CGRRF1: variants seen among roughly 807,000 people sequenced by gnomAD.
CGRRF1 encodes cell growth regulator with ring finger domain 1.
In CGRRF1, 32 loss-of-function variants were observed where a neutral mutation model predicts 37.2. The ratio of observed to expected loss-of-function variants is 0.86; its 90% CI spans 0.65 to 1.16. The LOEUF (loss-of-function observed/expected upper bound fraction) is 1.16. Among genes scored for constraint, CGRRF1 ranks in the 50% most tolerant of loss-of-function variants. The pLI is 0.00. For synonymous variants in CGRRF1, 141 were observed against 140.3 expected (o/e 1.00, Z -0.04); for missense variants, 391 against 382.6 (o/e 1.02, Z -0.18).
intron 4 of CGRRF1, among the ~76,000 whole-genome samples, chr14:54,535,092 C>T (rs1281658736): frequency 6.6e-6 from 1 of 152,080 alleles, no homozygotes; most frequent in Non-Finnish European, 1.5e-5. Flanking sequence ...GAATAAGTTG[C>T]ATACGTGATG....
chr14:54,532,260 C>G (rs561154055), intron 4 of CGRRF1, among the ~76,000 whole-genome samples: 7 of 152,014 alleles, frequency 4.6e-5, no homozygotes, highest in Non-Finnish European at 8.8e-5. Flanking sequence ...AGTTAAGCAC[C>G]TAGGTTTTTG....
At chr14:54,524,636 T>C (rs1298840932) in intron 2 of CGRRF1, among the ~76,000 whole-genome samples, 1 of 152,090 alleles carries the variant, frequency 6.6e-6, no homozygotes, top group Non-Finnish European at 1.5e-5. Context: ...CAAGCAGTCC[T>C]TCTGCCCCAG....
chr14:54,539,102 T>TA lies in CGRRF1; in HGVS notation c.*719_*720insA, dbSNP rs1454602932. ...CAAGTGTGATTAGATTAGCAGAATG[T>TA]GATCTCCAGGGAAGATCTGTGAGAC... On this transcript the variant is annotated 3_prime_UTR_variant, in exon 6 of 6. Transcript: ENST00000216420. The TA allele has an allele frequency of 1.3e-5, 2 of 152,238 alleles. No individual in the cohort carries two copies. Among genetic ancestry groups the TA allele is most frequent in the African/African-American group, 4.8e-5 (2 of 41,474 alleles). The allele number at this position is 152,238 out of a possible 1,614,324, so 9.4% of individuals were successfully genotyped here. A position where few individuals can be genotyped will look rare whatever the true frequency, so the allele number is the denominator to read the frequency against.
In CGRRF1 at chr14:54,518,928, G is replaced by GTTGTTTTGTT. The variant is rs557229779; in HGVS notation, c.105-3504_105-3495dup. Among the ~76,000 whole-genome samples the GTTGTTTTGTT allele has an allele frequency of 2.5e-3, 375 of 152,068 alleles. 2 individuals carry two copies. The highest frequency in any genetic ancestry group is 8.3e-3 in the African/African-American group (346 of 41,498). On this transcript the variant is annotated intron_variant, in intron 1 of 5. Coordinates refer to ENST00000216420, the MANE Select transcript of CGRRF1 (RefSeq NM_006568.3). ...ACCTCCAGACCAGGACTAGGTTTTT[G>GTTGTTTTGTT]TTGTTTTGTTTTGTTTTGTTTTGTT...
intron 2 of CGRRF1, among the ~76,000 whole-genome samples, chr14:54,529,192 A>G (rs2032466062): frequency 6.6e-6 from 1 of 152,140 alleles, no homozygotes; most frequent in Admixed American, 6.6e-5. Context: ...TACACGTTAC[A>G]GTTTGCGCTG....
At chr14:54,516,941 T>A (rs1414459875) in intron 1 of CGRRF1, among the ~76,000 whole-genome samples, 1 of 152,202 alleles carries the variant, frequency 6.6e-6, no homozygotes, top group East Asian at 1.9e-4. Flanking sequence ...AATCTGCTGT[T>A]AATCTCATCC....
At chr14:54,510,817 A>T (rs2140051470) in intron 1 of CGRRF1, among the ~76,000 whole-genome samples, 1 of 152,316 alleles carries the variant, frequency 6.6e-6, no homozygotes, top group East Asian at 1.9e-4. Context: ...CTTGTAAATA[A>T]CGAGTTGAAA....
chr14:54,514,475 A>G (rs980166012), intron 1 of CGRRF1, among the ~76,000 whole-genome samples: 1 of 152,208 alleles, frequency 6.6e-6, no homozygotes, highest in African/African-American at 2.4e-5. Context: ...GTTCAGAGGT[A>G]CATGTGAAGG....
chr14:54,514,288 C>T (rs1038306065), intron 1 of CGRRF1, among the ~76,000 whole-genome samples: 1 of 152,020 alleles, frequency 6.6e-6, no homozygotes, highest in African/African-American at 2.4e-5. Flanking sequence ...GATTGTAAGC[C>T]GGAGAATAGA....
intron 4 of CGRRF1, chr14:54,536,541 A>G (rs1391218312): frequency 1.3e-5 from 2 of 152,220 alleles, no homozygotes; most frequent in Non-Finnish European, 2.9e-5. Context: ...GTATTTCCAC[A>G]GAGTGTATTG....
intron 1 of CGRRF1, among the ~76,000 whole-genome samples, chr14:54,512,743 C>A (rs2032149334): frequency 6.6e-6 from 1 of 152,356 alleles, no homozygotes; most frequent in Admixed American, 6.5e-5. Context: ...GTTGGTCCCA[C>A]TTGTTCCAGT....
At chr14:54,525,940 AC>A (rs2032404147) in intron 2 of CGRRF1, among the ~76,000 whole-genome samples, 1 of 151,846 alleles carries the variant, frequency 6.6e-6, no homozygotes, top group African/African-American at 2.4e-5. Context: ...TACTAAAAAT[AC>A]AAAAATTAGC....
Position 54,538,665 on chromosome 14 carries a change from GA to G in CGRRF1, c.*287del, listed in dbSNP as rs887011888. ...GCTAGATTTCCTCTCATGTTAATTAGAAAAATCATTCTGAAAGGCAATCCAT... is the reference window on the plus strand; with the variant it reads ...GCTAGATTTCCTCTCATGTTAATTAGAAAATCATTCTGAAAGGCAATCCAT... On this transcript the variant is annotated 3_prime_UTR_variant, in exon 6 of 6. Coordinates refer to ENST00000216420, the MANE Select transcript of CGRRF1 (RefSeq NM_006568.3). 1 of 235,724 alleles carries G rather than the reference GA, an allele frequency of 4.2e-6. No individual in the cohort carries two copies. The highest frequency in any genetic ancestry group is 8.2e-6 in the Non-Finnish European group (1 of 122,146). 14.6% of individuals were successfully genotyped at this position (235,724 alleles called of 1,614,324 possible). A position where few individuals can be genotyped will look rare whatever the true frequency, so the allele number is the denominator to read the frequency against.
At chr14:54,518,441 T>A (rs991117094) in intron 1 of CGRRF1, among the ~76,000 whole-genome samples, 10 of 151,806 alleles carry the variant, frequency 6.6e-5, no homozygotes, top group African/African-American at 2.4e-4. Flanking sequence ...TCCCAGCTAC[T>A]TGGGAGGCTG....
At chr14:54,534,769 T>C (rs901376208) in intron 4 of CGRRF1, among the ~76,000 whole-genome samples, 3 of 152,148 alleles carry the variant, frequency 2.0e-5, no homozygotes, top group African/African-American at 7.2e-5. Context: ...GGCTGGAATA[T>C]AGTGGCACAG....
chr14:54,515,436 A>G (rs1171356287), intron 1 of CGRRF1, among the ~76,000 whole-genome samples: 1 of 152,020 alleles, frequency 6.6e-6, no homozygotes, highest in Non-Finnish European at 1.5e-5. Context: ...ATTGGTTGAT[A>G]GTGTTATTCA....
In CGRRF1 at chr14:54,538,162, T is replaced by G. The variant is rs764700017; in HGVS notation, c.778T>G (p.Ser260Ala). The change falls in exon 6 of 6, where the codon TCT (serine) becomes GCT (alanine). Residue 260 changes from serine (S) to alanine (A), a missense_variant. Transcript: ENST00000216420. ...DRSLLEKVGLSESEVEPSEEN... is the reference protein window; with the variant it reads ...DRSLLEKVGLAESEVEPSEEN... ...AAGTTTGTTGGAAAAGGTGGGACTC[T>G]CTGAAAGTGAAGTTGAGCCATCGGA... The G allele has an allele frequency of 4.3e-6, 7 of 1,614,190 alleles. No homozygotes were observed. In the East Asian group the frequency reaches 1.1e-4, roughly 26 times the overall value.
chr14:54,531,046 A>G lies in CGRRF1; in HGVS notation c.566A>G (p.Asp189Gly). ...GATGAGGATGACCGGGAAATTTATG[A>G]TATTGTAAGTAATTGAAAATTTTGA... is the stretch of plus-strand genomic sequence containing the variant. ...LADEDDREIY[D>G]IISMVSVIHI... The change falls in exon 4 of 6, where the codon GAT becomes GGT. Residue 189 changes from aspartate (D) to glycine (G), a missense_variant. By Grantham distance (94) the Asp-to-Gly change is moderately conservative. Transcript: ENST00000216420. 1.2e-6 allele frequency: 2 copies of G among 1,605,602 alleles called. No homozygotes were observed. The highest frequency in any genetic ancestry group is 8.5e-7 in the Non-Finnish European group (1 of 1,176,764).
At chr14:54,524,173 C>A (rs2032369823) in intron 2 of CGRRF1, among the ~76,000 whole-genome samples, 1 of 152,096 alleles carries the variant, frequency 6.6e-6, no homozygotes, top group Admixed American at 6.5e-5. Flanking sequence ...CAGTGGGAGC[C>A]TTTCAGGGCT....
Sources: allele counts gnomAD v4.1 joint callset (sites outside exome capture counted in the v4.1 genomes callset), GRCh38; gene constraint gnomAD v4.1.1; transcripts MANE v1.5; gene names NCBI Gene and HGNC (gene_info 2026-07-23, HGNC 2026-07-21).